The following CADPS variants were observed in gnomAD, a reference collection of about 807,000 sequenced individuals.
CADPS encodes the protein calcium dependent secretion activator.
A neutral mutation model predicts 167.3 loss-of-function variants in CADPS; 57 were observed. The ratio of observed to expected loss-of-function variants is 0.34; its 90% CI spans 0.28 to 0.42. The LOEUF is 0.42. Ranked by LOEUF, CADPS falls within the 20% of genes least tolerant of loss-of-function variation. CADPS has a pLI of 1.00. For missense variants in CADPS, 1,414 were observed against 1,738.1 expected (o/e 0.81, Z 3.32); for synonymous variants, 676 against 635.3 (o/e 1.06, Z -0.96).
Position 62,875,086 on chromosome 3 carries a change from G to A in CADPS, c.-57C>T. On this transcript the variant is annotated 5_prime_UTR_variant, in exon 1 of 30. Coordinates refer to ENST00000383710, the MANE Select transcript of CADPS (RefSeq NM_003716.4). Reference sequence around the variant, plus strand: ...CCCCGGCTTGGAGTGCAAAAGGTGGGGGGCGCTGGAGGCAGCCGGGGATCA... The same window carrying A: ...CCCCGGCTTGGAGTGCAAAAGGTGGAGGGCGCTGGAGGCAGCCGGGGATCA... 2 of 1,512,600 alleles carry A rather than the reference G, an allele frequency of 1.3e-6. No individual in the cohort carries two copies. The allele number at this position is 1,512,600 out of a possible 1,614,324, so 93.7% of individuals were successfully genotyped here. A position where few individuals can be genotyped will look rare whatever the true frequency, so the allele number is the denominator to read the frequency against.
chr3:62,605,568 G>A (rs1290019568), intron 6 of CADPS, among the ~76,000 whole-genome samples: 1 of 152,176 alleles, frequency 6.6e-6, no homozygotes, highest in East Asian at 1.9e-4. Flanking sequence ...CGTTATCTGG[G>A]CAGCACAGGA....
Position 62,601,721 on chromosome 3 carries a change from T to C in CADPS, c.1326-8973A>G, listed in dbSNP as rs2060000046. On this transcript the variant is annotated intron_variant, in intron 6 of 29. Transcript: ENST00000383710. The surrounding 1 kb of genome is among the most constrained non-coding windows in gnomAD (Gnocchi z 4.3). ...TTTAGTCACACTACATCATTATTAA[T>C]ATCAAATAATAAACATGAGTAGCAG... Among the ~76,000 whole-genome samples, 1 of 152,202 alleles carries C rather than the reference T, an allele frequency of 6.6e-6. No individual in the cohort carries two copies.
intron 10 of CADPS, among the ~76,000 whole-genome samples, chr3:62,553,178 C>T (rs1204655514): frequency 5.3e-5 from 8 of 152,156 alleles, no homozygotes; most frequent in African/African-American, 1.9e-4. Context: ...AAGGCCTCCC[C>T]CTCACCCAGG....
chr3:62,652,440 T>C (rs984793712), intron 4 of CADPS, among the ~76,000 whole-genome samples: 6 of 148,722 alleles, frequency 4.0e-5, no homozygotes, highest in African/African-American at 1.5e-4. Context: ...GTGTAACATA[T>C]GGGCATCTGA....
chr3:62,645,977 T>A, intron 5 of CADPS, 134 bp from the exon 6 acceptor site: 1 of 937,336 alleles, frequency 1.1e-6, no homozygotes, highest in Non-Finnish European at 1.6e-6. Flanking sequence ...TTTGTACCAG[T>A]CATGCTGGGA....
chr3:62,523,834 G>A (rs1355533036), intron 13 of CADPS, among the ~76,000 whole-genome samples: 1 of 152,226 alleles, frequency 6.6e-6, no homozygotes, highest in Non-Finnish European at 1.5e-5. Flanking sequence ...ATATGCTGGT[G>A]CAGGCACCGT....
At chr3:62,682,494 C>T (rs1445861676) in intron 3 of CADPS, among the ~76,000 whole-genome samples, 2 of 152,034 alleles carry the variant, frequency 1.3e-5, no homozygotes, top group Non-Finnish European at 2.9e-5. Context: ...TCTGTGAAAT[C>T]GCTAGTGTTC....
chr3:62,635,741 T>G (rs1012334036), intron 6 of CADPS, among the ~76,000 whole-genome samples: 19 of 152,012 alleles, frequency 1.2e-4, no homozygotes, highest in Non-Finnish European at 2.2e-4. Context: ...ATCTGCACTA[T>G]AATTATCTTT....
intron 3 of CADPS, among the ~76,000 whole-genome samples, chr3:62,666,471 A>G (rs2074425906): frequency 1.3e-5 from 2 of 152,156 alleles, no homozygotes; most frequent in Admixed American, 1.3e-4. Flanking sequence ...GGTCTTTTCC[A>G]CTGAGGAAAG....
At position 62,543,027 on chromosome 3, in the gene CADPS, G is replaced by C. The variant is rs146338301; in HGVS notation, c.1967-6446C>G. Among the ~76,000 whole-genome samples, 118 of 152,170 alleles carry C rather than the reference G, an allele frequency of 7.8e-4. 1 individual carries two copies. The highest frequency in any genetic ancestry group is 2.6e-3 in the African/African-American group (108 of 41,534). The stretch of plus-strand genomic sequence containing the variant: ...GCATGAAAATACTCAATTAACTAGT[G>C]AATAATATGTTAAATATGTCTTACG... On this transcript the variant is annotated intron_variant, in intron 11 of 29. Coordinates refer to ENST00000383710, the MANE Select transcript of CADPS (RefSeq NM_003716.4).
At chr3:62,828,346 G>C (rs1260164385) in intron 1 of CADPS, among the ~76,000 whole-genome samples, 2 of 152,140 alleles carry the variant, frequency 1.3e-5, no homozygotes, top group Non-Finnish European at 2.9e-5. Flanking sequence ...CAGGGTTGGG[G>C]TGGTCTTCAC....
chr3:62,644,882 CTATT>C (rs552771453), intron 6 of CADPS, among the ~76,000 whole-genome samples: 248 of 152,324 alleles, frequency 1.6e-3, no homozygotes, highest in African/African-American at 5.7e-3. Flanking sequence ...GCATTTATAA[CTATT>C]TATAATTATA....
chr3:62,804,842 GCCATAGACACAGTATGT>G (rs1216253606), intron 1 of CADPS, among the ~76,000 whole-genome samples: 1 of 152,048 alleles, frequency 6.6e-6, no homozygotes, highest in Non-Finnish European at 1.5e-5. Context: ...GTGTTGAAGT[GCCATAGACACAGTATGT>G]CCTGACCTTA....
At chr3:62,755,228 C>G (rs1206967707) in intron 2 of CADPS, among the ~76,000 whole-genome samples, 1 of 152,092 alleles carries the variant, frequency 6.6e-6, no homozygotes, top group Non-Finnish European at 1.5e-5. Context: ...AAAACCTCTC[C>G]CCCCTGGTGG....
intron 2 of CADPS, among the ~76,000 whole-genome samples, chr3:62,757,854 G>A (rs1179797549): frequency 6.6e-6 from 1 of 152,202 alleles, no homozygotes; most frequent in Non-Finnish European, 1.5e-5. Flanking sequence ...ATGTGGCATG[G>A]CAGCAGGCAA....
At chr3:62,784,761 C>CA (rs768113975) in intron 1 of CADPS, among the ~76,000 whole-genome samples, 793 of 61,170 alleles carry the variant, frequency 0.013, 5 homozygotes, top group Non-Finnish European at 0.018. Context: ...CAAGCAAAAA[C>CA]AAAAAAAAAA....
intron 1 of CADPS, among the ~76,000 whole-genome samples, chr3:62,862,240 CAG>C (rs1254391535): frequency 2.3e-5 from 3 of 128,204 alleles, no homozygotes; most frequent in Non-Finnish European, 3.2e-5. Flanking sequence ...TTTTTTTAGA[CAG>C]AGTCTTGCTC....
At chr3:62,662,193 G>T (rs894557232) in intron 4 of CADPS, 121 bp downstream of exon 4, 3 of 847,530 alleles carry the variant, frequency 3.5e-6, no homozygotes, top group Non-Finnish European at 5.9e-6. Context: ...GAGGGTGATT[G>T]TCCTCATCTT....
chr3:62,636,795 A>T (rs2066398969), intron 6 of CADPS, among the ~76,000 whole-genome samples: 1 of 152,140 alleles, frequency 6.6e-6, no homozygotes. Context: ...CTCATGGAGG[A>T]TGTTGCCTTT....
Sources: allele counts gnomAD v4.1 joint callset (sites outside exome capture counted in the v4.1 genomes callset), GRCh38; gene constraint gnomAD v4.1.1; non-coding constraint Gnocchi (gnomAD v3.1); transcripts MANE v1.5; gene names NCBI Gene and HGNC (gene_info 2026-07-23, HGNC 2026-07-21).